Variants in HACD3 observed in about 807,000 individuals in gnomAD.
The protein encoded by HACD3 is 3-hydroxyacyl-CoA dehydratase 3.
Under a neutral mutation model 55.2 loss-of-function variants are expected in HACD3, and 30 were observed. The observed-to-expected ratio is 0.54, with a 90% CI of 0.41 to 0.74. The LOEUF is 0.74. Among genes scored for constraint, HACD3 ranks in the 30% least tolerant of loss-of-function variants. The pLI, the probability that HACD3 is intolerant of heterozygous loss-of-function variation, is 0.00. For synonymous variants in HACD3, 141 were observed against 151.7 expected (o/e 0.93, Z 0.52); for missense variants, 363 against 440.1 (o/e 0.82, Z 1.57).
intron 1 of HACD3, among the ~76,000 whole-genome samples, chr15:65,535,283 C>G (rs117057001): frequency 1.3e-5 from 2 of 152,330 alleles, no homozygotes; most frequent in Non-Finnish European, 2.9e-5. Context: ...AAGACATTTG[C>G]AGTGCATATC....
intron 10 of HACD3, among the ~76,000 whole-genome samples, chr15:65,573,773 T>C (rs2072374856): frequency 6.6e-6 from 1 of 152,186 alleles, no homozygotes; most frequent in Non-Finnish European, 1.5e-5. Context: ...TTTTTCCTTT[T>C]AAGAGCAAAC....
rs534776670 is a variant in HACD3, at chr15:65,545,032, A to G, written c.88-6644A>G. 3.3e-5 allele frequency among the ~76,000 whole-genome samples: 5 copies of G among 152,076 alleles called. No individual in the cohort carries two copies. The South Asian group carries it at 1.0e-3, about 32-fold the overall frequency. On this transcript the variant is annotated intron_variant, in intron 1 of 10. Transcript: ENST00000261875. The stretch of plus-strand genomic sequence containing the variant: ...GAAATTCTGTCTAAAAAAAAAAAAA[A>G]AGAAAGAAAGAAAATTATAATTTTG...
chr15:65,543,261 T>A (rs1186576752), intron 1 of HACD3, among the ~76,000 whole-genome samples: 1 of 152,108 alleles, frequency 6.6e-6, no homozygotes, highest in African/African-American at 2.4e-5. Context: ...TCCCCCCTTT[T>A]AGTGGAATAT....
At chr15:65,539,724 A>G (rs2072000724) in intron 1 of HACD3, among the ~76,000 whole-genome samples, 1 of 152,216 alleles carries the variant, frequency 6.6e-6, no homozygotes, top group Admixed American at 6.5e-5. Context: ...GTCAGCTGGA[A>G]GAATGGATAA....
At chr15:65,544,193 T>G (rs568267671) in intron 1 of HACD3, among the ~76,000 whole-genome samples, 29 of 150,964 alleles carry the variant, frequency 1.9e-4, no homozygotes, top group East Asian at 7.8e-4. Flanking sequence ...AAGAAAAAAA[T>G]AAAAAGAAAA....
chr15:65,549,045 A>G (rs2072105158), intron 1 of HACD3, among the ~76,000 whole-genome samples: 2 of 152,154 alleles, frequency 1.3e-5, no homozygotes, highest in African/African-American at 2.4e-5. Flanking sequence ...CTCCTTTCAT[A>G]AGCAAAGGCA....
At chr15:65,538,919 G>T (rs1169957677) in intron 1 of HACD3, among the ~76,000 whole-genome samples, 1 of 152,130 alleles carries the variant, frequency 6.6e-6, no homozygotes, top group African/African-American at 2.4e-5. Context: ...TTTTAGCAAT[G>T]AAATATTTTA....
chr15:65,557,596 C>G (rs774775157), intron 4 of HACD3, among the ~76,000 whole-genome samples: 3 of 152,108 alleles, frequency 2.0e-5, no homozygotes, highest in Admixed American at 6.5e-5. Context: ...CCTCTTGGCT[C>G]TCCTTGGAAG....
At chr15:65,560,428 T>G (rs76054065) in intron 5 of HACD3, among the ~76,000 whole-genome samples, 1,795 of 152,286 alleles carry the variant, frequency 0.012, 45 homozygotes, top group African/African-American at 0.042. Context: ...CAGATAAAAT[T>G]AATGTCCCTT....
At chr15:65,534,411 G>C (rs891004491) in intron 1 of HACD3, 1 of 152,262 alleles carries the variant, frequency 6.6e-6, no homozygotes, top group African/African-American at 2.4e-5. Context: ...AAAGACTTCA[G>C]CAGTGGCATC....
At chr15:65,561,639 G>T (rs1173432519) in intron 5 of HACD3, among the ~76,000 whole-genome samples, 1 of 152,034 alleles carries the variant, frequency 6.6e-6, no homozygotes, top group African/African-American at 2.4e-5. Flanking sequence ...CAACACAGAA[G>T]ACTTCTGTGA....
chr15:65,531,994 G>T (rs1403468656), intron 1 of HACD3, among the ~76,000 whole-genome samples: 1 of 152,032 alleles, frequency 6.6e-6, no homozygotes, highest in African/African-American at 2.4e-5. Context: ...ATCACCCGTG[G>T]ATCCGGTAAA....
intron 2 of HACD3, among the ~76,000 whole-genome samples, chr15:65,554,511 C>T (rs1363823562): frequency 6.6e-6 from 1 of 152,156 alleles, no homozygotes; most frequent in East Asian, 1.9e-4. Context: ...TACAGTGGCT[C>T]ATGTCTGTAA....
At chr15:65,535,843 C>G in intron 1 of HACD3, 1 of 591,432 alleles carries the variant, frequency 1.7e-6, no homozygotes, top group Non-Finnish European at 3.0e-6. Context: ...AGGTACCTGC[C>G]TAGCTAATTT....
At chr15:65,564,597 G>C (rs2072274137) in intron 7 of HACD3, 1 of 404,396 alleles carries the variant, frequency 2.5e-6, no homozygotes, top group Non-Finnish European at 4.4e-6. Context: ...AGAAACTCCT[G>C]ATAAACCCAT....
intron 5 of HACD3, among the ~76,000 whole-genome samples, chr15:65,559,328 C>T (rs1244208735): frequency 2.0e-5 from 3 of 152,052 alleles, no homozygotes; most frequent in Non-Finnish European, 4.4e-5. Flanking sequence ...GGGCCCTTGA[C>T]TAAGAGCCAG....
chr15:65,544,914 G>A lies in HACD3; in HGVS notation c.88-6762G>A, dbSNP rs1436899465. Among the ~76,000 whole-genome samples, 3 of 151,844 alleles carry A rather than the reference G, an allele frequency of 2.0e-5. No individual in the cohort carries two copies. In the East Asian group the frequency reaches 5.8e-4, roughly 29 times the overall value. ...CACGTGTCTGTAATCCCAGCTGCTC[G>A]GGAGGCTGAGGCAGGAGAATTGCTT... On this transcript the variant is annotated intron_variant, in intron 1 of 10. Transcript: ENST00000261875.
At chr15:65,561,078 TG>T (rs1458737049) in intron 5 of HACD3, among the ~76,000 whole-genome samples, 4 of 152,196 alleles carry the variant, frequency 2.6e-5, no homozygotes, top group South Asian at 2.1e-4. Flanking sequence ...ATATCAGGGT[TG>T]TTTTTTTCAT....
chr15:65,536,863 C>G (rs1266673542), intron 1 of HACD3, among the ~76,000 whole-genome samples: 1 of 152,224 alleles, frequency 6.6e-6, no homozygotes, highest in Non-Finnish European at 1.5e-5. Context: ...GTGAGGAAGG[C>G]ATGTCAAAAC....
Sources: gnomAD v4.1 joint callset for allele counts (sites outside exome capture counted in the v4.1 genomes callset) on GRCh38, gnomAD v4.1.1 for gene constraint, MANE v1.5 for transcripts, NCBI Gene and HGNC (gene_info 2026-07-23, HGNC 2026-07-21) for gene names.